NOX4: variants seen among roughly 807,000 people sequenced by gnomAD.
The protein encoded by NOX4 is kidney oxidase-1.
NOX4 carries 69 observed loss-of-function variants against 87.6 expected under a neutral mutation model. The ratio of observed to expected loss-of-function variants is 0.79; its 90% CI spans 0.65 to 0.96. NOX4 has a LOEUF of 0.96. Ranked by LOEUF, NOX4 falls within the 40% of genes least tolerant of loss-of-function variation. NOX4 has a pLI of 0.00. For missense variants in NOX4, 680 were observed against 681.5 expected (o/e 1.00, Z 0.02); for synonymous variants, 275 against 238.2 (o/e 1.15, Z -1.42).
intron 17 of NOX4, among the ~76,000 whole-genome samples, chr11:89,334,484 A>T (rs1405194540): frequency 6.6e-6 from 1 of 151,756 alleles, no homozygotes; most frequent in African/African-American, 2.4e-5. Context: ...TTTGCTTCCC[A>T]GCCTCCATTC....
the NOX4 span, among the ~76,000 whole-genome samples, chr11:89,512,290 T>C: frequency 3.3e-5 from 5 of 152,218 alleles, 1 homozygote; most frequent in South Asian, 1.0e-3. Context: ...ACACTTGATA[T>C]AGGTCTACTC....
chr11:89,576,429 G>C, the NOX4 span, among the ~76,000 whole-genome samples: 1 of 151,966 alleles, frequency 6.6e-6, no homozygotes, highest in African/African-American at 2.4e-5. Context: ...TTGTATTTCT[G>C]TGTCTTTAAA....
chr11:89,380,693 C>A (rs1440848657), intron 11 of NOX4, among the ~76,000 whole-genome samples: 5 of 152,060 alleles, frequency 3.3e-5, no homozygotes. Context: ...ATTTTTATTT[C>A]CCTTGGAAAA....
the NOX4 span, among the ~76,000 whole-genome samples, chr11:89,510,584 T>A: frequency 1.3e-5 from 2 of 152,020 alleles, no homozygotes; most frequent in Non-Finnish European, 2.9e-5. Context: ...TTTTACAGAA[T>A]CAGAAGACAC....
rs1565158757 is a variant in NOX4, at chr11:89,325,115, C to CCTTTT, written c.*1640_*1641insAAAAG. The CCTTTT allele has an allele frequency of 5.2e-4, 40 of 76,326 alleles. 1 individual carries two copies. The highest frequency in any genetic ancestry group is 8.3e-3 in the Middle Eastern group (1 of 120). 4.7% of individuals were successfully genotyped at this position (76,326 alleles called of 1,614,324 possible). ...ACTAAACTGTATGAATGCTTTAATT[C>CCTTTT]TTTTTTTTTTTTTTTTTTTTTTTTT... is the stretch of plus-strand genomic sequence containing the variant. On this transcript the variant is annotated 3_prime_UTR_variant, in exon 18 of 18. Coordinates refer to ENST00000263317, the MANE Select transcript of NOX4 (RefSeq NM_016931.5).
At chr11:89,530,385 T>A in the NOX4 span, among the ~76,000 whole-genome samples, 1,189 of 145,442 alleles carry the variant, frequency 8.2e-3, 18 homozygotes, top group African/African-American at 0.029. Flanking sequence ...ATCTATCACC[T>A]AGGCTGGAGT....
chr11:89,357,225 T>TG (rs397703845), intron 12 of NOX4, among the ~76,000 whole-genome samples: 1 of 151,024 alleles, frequency 6.6e-6, no homozygotes, highest in African/African-American at 2.5e-5. Context: ...TGTTTTTTTT[T>TG]CTCTCAAAAT....
At chr11:89,573,667 G>A in the NOX4 span, among the ~76,000 whole-genome samples, 4 of 152,118 alleles carry the variant, frequency 2.6e-5, no homozygotes, top group Non-Finnish European at 4.4e-5. Flanking sequence ...CAGAAAAAGA[G>A]GAAGTTTCAG....
chr11:89,443,418 T>A (rs1469084657), intron 5 of NOX4: 2 of 151,978 alleles, frequency 1.3e-5, no homozygotes, highest in Non-Finnish European at 2.9e-5. Flanking sequence ...GGGATGCTGA[T>A]TTAAATGGGA....
At chr11:89,499,548 C>G (rs559207826), upstream of NOX4, among the ~76,000 whole-genome samples, 3 of 152,268 alleles carry the variant, frequency 2.0e-5, no homozygotes, top group East Asian at 5.8e-4. Flanking sequence ...CCTCAACAAT[C>G]TGGCATGATA....
chr11:89,495,899 G>C (rs1279838178), upstream of NOX4, among the ~76,000 whole-genome samples: 4 of 152,168 alleles, frequency 2.6e-5, no homozygotes, highest in African/African-American at 9.7e-5. Context: ...AATGTAAAAA[G>C]AGCCTGTGTG....
chr11:89,330,985 T>C (rs921090106), intron 17 of NOX4, among the ~76,000 whole-genome samples: 4 of 152,068 alleles, frequency 2.6e-5, no homozygotes, highest in South Asian at 2.1e-4. Context: ...TATCAACCTA[T>C]TGGAACTAAT....
At chr11:89,370,803 C>T (rs1312946517) in intron 12 of NOX4, among the ~76,000 whole-genome samples, 1 of 152,000 alleles carries the variant, frequency 6.6e-6, no homozygotes, top group Non-Finnish European at 1.5e-5. Flanking sequence ...AAATATGAGA[C>T]TTGGTGCTTC....
At chr11:89,365,753 C>CAAAAAAAAAAAA (rs1213376592) in intron 12 of NOX4, among the ~76,000 whole-genome samples, 15 of 56,636 alleles carry the variant, frequency 2.6e-4, no homozygotes, top group African/African-American at 1.0e-3. Flanking sequence ...ACCACGCCCA[C>CAAAAAAAAAAAA]AAAAAAAAAA....
At chr11:89,440,588 G>C (rs1171649340) in intron 6 of NOX4, 100 bp downstream of exon 6, 2 of 699,878 alleles carry the variant, frequency 2.9e-6, no homozygotes, top group Non-Finnish European at 2.3e-6. Flanking sequence ...GCCTCCCAAA[G>C]TGCTGGGAAT....
intron 13 of NOX4, among the ~76,000 whole-genome samples, chr11:89,344,727 A>C (rs1029293823): frequency 6.6e-6 from 1 of 152,120 alleles, no homozygotes; most frequent in Non-Finnish European, 1.5e-5. Context: ...TATAATGCCC[A>C]TTTTGTTGCA....
At chr11:89,491,482 C>T, upstream of NOX4, 1 of 496,856 alleles carries the variant, frequency 2.0e-6, no homozygotes, top group South Asian at 3.0e-5. Flanking sequence ...GCTCTGCCCA[C>T]TCAGCTGCCC....
At chr11:89,384,981 C>A (rs2135110742) in intron 11 of NOX4, among the ~76,000 whole-genome samples, 1 of 152,270 alleles carries the variant, frequency 6.6e-6, no homozygotes, top group East Asian at 1.9e-4. Context: ...TCCACCAGGC[C>A]TAATTGCCAC....
chr11:89,470,089 A>AATG (rs200521926), intron 2 of NOX4, among the ~76,000 whole-genome samples: 1,684 of 151,886 alleles, frequency 0.011, 30 homozygotes, highest in African/African-American at 0.039. Context: ...TAATAATAAT[A>AATG]ATAATAATAA....
Sources: gnomAD v4.1 joint callset for allele counts (sites outside exome capture counted in the v4.1 genomes callset) on GRCh38, gnomAD v4.1.1 for gene constraint, MANE v1.5 for transcripts, NCBI Gene and HGNC (gene_info 2026-07-23, HGNC 2026-07-21) for gene names.